RELN: variants seen among roughly 807,000 people sequenced by gnomAD.
RELN encodes reelin.
Under a neutral mutation model 427.6 loss-of-function variants are expected in RELN, and 108 were observed. The observed-to-expected ratio is 0.25, with a 90% CI of 0.22 to 0.30. The LOEUF (loss-of-function observed/expected upper bound fraction) is 0.30, where lower values mean the gene tolerates loss of function less well. Ranked by LOEUF, RELN falls within the 10% of genes least tolerant of loss-of-function variation. RELN has a pLI of 1.00. For missense variants in RELN, 3,715 were observed against 4,302.8 expected (o/e 0.86, Z 3.82); for synonymous variants, 1,524 against 1,513.4 (o/e 1.01, Z -0.16).
At chr7:103,704,790 T>C (rs1834166040) in intron 8 of RELN, among the ~76,000 whole-genome samples, 1 of 152,180 alleles carries the variant, frequency 6.6e-6, no homozygotes. Flanking sequence ...TGTCCAGTGA[T>C]TGCCTCCACT....
chr7:103,955,175 T>C (rs1231284238), intron 1 of RELN, among the ~76,000 whole-genome samples: 4 of 152,206 alleles, frequency 2.6e-5, no homozygotes, highest in African/African-American at 9.6e-5. Context: ...AAGCCAGGGA[T>C]CCAGTCTTAT....
intron 8 of RELN, among the ~76,000 whole-genome samples, chr7:103,701,963 T>A (rs1372088145): frequency 6.6e-6 from 1 of 152,236 alleles, no homozygotes; most frequent in Non-Finnish European, 1.5e-5. Context: ...GACTCATTTA[T>A]TTTATTTCAG....
At chr7:103,737,248 T>C (rs1251804332) in intron 6 of RELN, among the ~76,000 whole-genome samples, 1 of 152,232 alleles carries the variant, frequency 6.6e-6, no homozygotes, top group Non-Finnish European at 1.5e-5. Flanking sequence ...GTTGAGAAAA[T>C]GAAAGGTTTA....
chr7:103,580,253 T>C (rs929514024), intron 28 of RELN, among the ~76,000 whole-genome samples: 6 of 152,228 alleles, frequency 3.9e-5, no homozygotes, highest in African/African-American at 1.2e-4. Context: ...GTTTAACATA[T>C]TGCAGAAGGA....
chr7:103,542,434 G>A (rs1427662805), intron 43 of RELN, among the ~76,000 whole-genome samples: 2 of 152,214 alleles, frequency 1.3e-5, no homozygotes, highest in African/African-American at 4.8e-5. Context: ...TTTTATTGAA[G>A]TTAAAGTAAA....
rs1713427865 is a variant in RELN, at chr7:103,603,212, A to G, written c.3333+92T>C. The G allele has an allele frequency of 9.2e-7, 1 of 1,082,362 alleles. No homozygotes were observed. Among genetic ancestry groups the G allele is most frequent in the Admixed American group, 1.7e-5 (1 of 59,084 alleles). 67.0% of individuals were successfully genotyped at this position (1,082,362 alleles called of 1,614,324 possible). A position where few individuals can be genotyped will look rare whatever the true frequency, so the allele number is the denominator to read the frequency against. ...TCAAAAGCGGGGAACGTGGGGAACA[A>G]TAGAACCACTTCATATTTGTACATT... On this transcript the variant is annotated intron_variant, in intron 24 of 64. Transcript: ENST00000428762. This position sits in a 1 kb window ranked among gnomAD's most constrained non-coding sequence, Gnocchi z 4.3.
intron 1 of RELN, among the ~76,000 whole-genome samples, chr7:103,937,764 C>G (rs543746122): frequency 8.5e-5 from 13 of 152,128 alleles, no homozygotes; most frequent in Non-Finnish European, 1.6e-4. Context: ...GAGATTAAAA[C>G]AAATATGTTA....
At chr7:103,539,991 T>C (rs563406765) in intron 44 of RELN, among the ~76,000 whole-genome samples, 1 of 152,382 alleles carries the variant, frequency 6.6e-6, no homozygotes, top group East Asian at 1.9e-4. Context: ...ATGTTGTTTA[T>C]TTTTATAAGC....
chr7:103,973,887 A>G (rs1025789889), intron 1 of RELN, among the ~76,000 whole-genome samples: 2 of 152,246 alleles, frequency 1.3e-5, no homozygotes, highest in African/African-American at 4.8e-5. Context: ...TCACGCCTAT[A>G]ATCCCAGCAC....
At chr7:103,723,082 C>T (rs1268050828) in intron 8 of RELN, 58 bp downstream of exon 8, 2 of 1,068,386 alleles carry the variant, frequency 1.9e-6, no homozygotes, top group East Asian at 4.7e-5. Flanking sequence ...TGATTGCACA[C>T]TATGTTTAAA....
At chr7:103,642,657 T>C (rs1832718181) in intron 16 of RELN, among the ~76,000 whole-genome samples, 1 of 152,130 alleles carries the variant, frequency 6.6e-6, no homozygotes, top group East Asian at 1.9e-4. Flanking sequence ...AACAGCCTTC[T>C]TTAGGAAATT....
chr7:103,478,583 T>C (rs1288316458), intron 63 of RELN, 189 bp from the exon 64 acceptor site: 2 of 595,402 alleles, frequency 3.4e-6, no homozygotes, highest in East Asian at 5.9e-5. Flanking sequence ...AAGATCTACA[T>C]ATACTTTTCT....
intron 16 of RELN, among the ~76,000 whole-genome samples, chr7:103,644,503 C>T (rs1832757967): frequency 6.8e-6 from 1 of 146,092 alleles, no homozygotes; most frequent in Admixed American, 6.9e-5. Context: ...AAAGTTTTAA[C>T]AATAGACTAG....
At chr7:103,504,905 C>T (rs1829156413) in intron 51 of RELN, among the ~76,000 whole-genome samples, 1 of 152,164 alleles carries the variant, frequency 6.6e-6, no homozygotes, top group African/African-American at 2.4e-5. Flanking sequence ...GGGGCGTCTG[C>T]CATTACTGAG....
intron 55 of RELN, among the ~76,000 whole-genome samples, chr7:103,497,196 T>C (rs1828868722): frequency 6.6e-6 from 1 of 152,184 alleles, no homozygotes. Context: ...AGATTGCAGG[T>C]GGGATGTTTA....
chr7:103,635,624 C>G (rs1832563547), intron 18 of RELN, 38 bp from the exon 19 acceptor site: 2 of 1,534,034 alleles, frequency 1.3e-6, no homozygotes, highest in South Asian at 1.1e-5. Context: ...TATGCATAAA[C>G]ATTTTTAATC....
chr7:103,979,238 C>A (rs1443511970), intron 1 of RELN, among the ~76,000 whole-genome samples: 2 of 152,110 alleles, frequency 1.3e-5, no homozygotes, highest in African/African-American at 2.4e-5. Flanking sequence ...CAGCTCTGAC[C>A]GCAAACTTTG....
At chr7:103,749,077 C>G (rs1451560034) in intron 6 of RELN, among the ~76,000 whole-genome samples, 4 of 151,948 alleles carry the variant, frequency 2.6e-5, no homozygotes, top group African/African-American at 9.7e-5. Flanking sequence ...AAGTATGACT[C>G]AAATCATTTG....
At chr7:103,576,892 T>C (rs1488930653) in intron 28 of RELN, among the ~76,000 whole-genome samples, 1 of 152,144 alleles carries the variant, frequency 6.6e-6, no homozygotes, top group African/African-American at 2.4e-5. Flanking sequence ...TTTGTCCCAA[T>C]TGCTTTCCAA....
Sources: allele counts gnomAD v4.1 joint callset (sites outside exome capture counted in the v4.1 genomes callset), GRCh38; gene constraint gnomAD v4.1.1; non-coding constraint Gnocchi (gnomAD v3.1); transcripts MANE v1.5; gene names NCBI Gene and HGNC (gene_info 2026-07-23, HGNC 2026-07-21).